MORN1: variants seen among roughly 807,000 people sequenced by gnomAD.
MORN1 encodes the protein MORN repeat containing 1.
MORN1 carries 67 observed loss-of-function variants against 61.9 expected under a neutral mutation model. That is an observed-to-expected ratio of 1.08 (90% confidence interval 0.89 to 1.33). The LOEUF is 1.33. Ranked by LOEUF, MORN1 falls within the 40% of genes most tolerant of loss-of-function variation. The probability of loss-of-function intolerance (pLI) is 0.00; values close to 1 mark genes in which losing one functional copy is unlikely to be tolerated. For synonymous variants in MORN1, 301 were observed against 292.0 expected, an observed-to-expected ratio of 1.03 and a Z score of -0.31; for missense variants, 752 against 691.2, an observed-to-expected ratio of 1.09 and a Z score of -0.99.
chr1:2,358,747 TCA>T (rs1569988722), intron 8 of MORN1, 32 bp from the exon 9 acceptor site: 7 of 1,592,128 alleles, frequency 4.4e-6, no homozygotes, highest in Non-Finnish European at 6.0e-6. Flanking sequence ...CAGTGAACAC[TCA>T]CAGGCACCCA....
chr1:2,388,203 GAA>G lies in MORN1; in HGVS notation c.247+34_247+35del, dbSNP rs148756962. 2.3e-3 allele frequency: 3,605 copies of G among 1,536,512 alleles called. 61 individuals are homozygous for G. In the African/African-American group the frequency reaches 0.043, roughly 18 times the overall value. On this transcript the variant is annotated intron_variant, in intron 3 of 13. Transcript: ENST00000378531. The stretch of plus-strand genomic sequence containing the variant: ...ACCAACTGAGCCCGATGGGTTATGA[GAA>G]AGGAGTGAATGTGCCATCCCAGCTA...
chr1:2,338,978 GA>G (rs1035082446), intron 10 of MORN1, among the ~76,000 whole-genome samples: 3 of 152,128 alleles, frequency 2.0e-5, no homozygotes, highest in Non-Finnish European at 2.9e-5. Flanking sequence ...GCAGGAAGAG[GA>G]CAGAGGACAC....
intron 10 of MORN1, among the ~76,000 whole-genome samples, chr1:2,341,091 C>T (rs1179656674): frequency 6.6e-6 from 1 of 152,274 alleles, no homozygotes; most frequent in Non-Finnish European, 1.5e-5. Context: ...GTCCCGGTCC[C>T]CACACCACCT....
intron 10 of MORN1, among the ~76,000 whole-genome samples, chr1:2,341,042 C>G (rs2843140): frequency 1.3e-5 from 2 of 152,196 alleles, no homozygotes; most frequent in African/African-American, 2.4e-5. Flanking sequence ...CTGGCCCTGG[C>G]ACTGCTACTC....
At chr1:2,335,827 A>T (rs962926338) in intron 12 of MORN1, among the ~76,000 whole-genome samples, 2 of 136,258 alleles carry the variant, frequency 1.5e-5, no homozygotes, top group Non-Finnish European at 2.9e-5. Flanking sequence ...CCTCGCCTCC[A>T]TAGCCCAGCC....
chr1:2,364,006 G>A (rs1641950755), intron 8 of MORN1, among the ~76,000 whole-genome samples: 1 of 152,082 alleles, frequency 6.6e-6, no homozygotes. Context: ...TCAGTTAAAA[G>A]GCAGAGATTG....
chr1:2,354,692 A>G (rs953887398), intron 10 of MORN1, among the ~76,000 whole-genome samples: 1 of 152,184 alleles, frequency 6.6e-6, no homozygotes, highest in East Asian at 1.9e-4. Flanking sequence ...GGTGGAGGCC[A>G]GCATGCGCAC....
At chr1:2,339,231 C>T (rs1569941329) in intron 10 of MORN1, among the ~76,000 whole-genome samples, 1 of 152,290 alleles carries the variant, frequency 6.6e-6, no homozygotes, top group East Asian at 1.9e-4. Flanking sequence ...CGCATCTGGA[C>T]CAGGAGCCCA....
At chr1:2,322,429 TC>T (rs1202810755) in intron 13 of MORN1, 4 of 984,920 alleles carry the variant, frequency 4.1e-6, no homozygotes, top group Middle Eastern at 1.0e-3. Flanking sequence ...AAAACAGCGC[TC>T]CCCTCGCAGA....
chr1:2,382,848 C>A (rs1447106897), intron 6 of MORN1, among the ~76,000 whole-genome samples: 2 of 152,200 alleles, frequency 1.3e-5, no homozygotes, highest in Non-Finnish European at 2.9e-5. Context: ...TGGTCAACTG[C>A]CCTGAGCAGG....
At chr1:2,351,529 AAG>A (rs1256035682) in intron 10 of MORN1, 2 of 182,412 alleles carry the variant, frequency 1.1e-5, no homozygotes, top group East Asian at 3.4e-4. Flanking sequence ...CTCCTCCGGT[AAG>A]AGTCTTTGCC....
intron 10 of MORN1, among the ~76,000 whole-genome samples, chr1:2,340,659 C>T (rs554148070): frequency 7.9e-5 from 12 of 152,324 alleles, no homozygotes; most frequent in Admixed American, 3.9e-4. Context: ...TGTCACTCAC[C>T]GGCTCCACGT....
chr1:2,387,530 C>T lies in MORN1; in HGVS notation c.248-1G>A, dbSNP rs1479293731. 2 of 1,608,168 alleles carry T rather than the reference C, an allele frequency of 1.2e-6. No homozygotes were observed. The highest frequency in any genetic ancestry group is 3.3e-5 in the Admixed American group (2 of 60,000). On this transcript the variant is annotated splice_acceptor_variant, in intron 3 of 13. Transcript: ENST00000378531. LOFTEE classifies it high-confidence loss of function. Reference sequence around the variant, plus strand: ...ACAAACTGTCCAGAGAAGGTGTCTCCTGCATGTGGACAAGGAGGAGGGGAG... The same window carrying T: ...ACAAACTGTCCAGAGAAGGTGTCTCTTGCATGTGGACAAGGAGGAGGGGAG...
At chr1:2,322,147 AG>A in intron 13 of MORN1, 1 of 985,422 alleles carries the variant, frequency 1.0e-6, no homozygotes, top group Non-Finnish European at 1.2e-6. Context: ...TCGGCAGAGA[AG>A]GAAAAGTACT....
chr1:2,350,126 G>A (rs962920080), intron 10 of MORN1, among the ~76,000 whole-genome samples: 2 of 152,232 alleles, frequency 1.3e-5, no homozygotes, highest in Non-Finnish European at 2.9e-5. Context: ...CAAGCTGTGG[G>A]TGGGAATTAC....
chr1:2,378,693 A>G, intron 6 of MORN1: 1 of 347,626 alleles, frequency 2.9e-6, no homozygotes. Flanking sequence ...TCTGATGTGC[A>G]CACACACGTG....
Position 2,336,496 on chromosome 1 carries a change from G to A in MORN1, c.1223C>T (p.Thr408Met), listed in dbSNP as rs144096006. The A allele has an allele frequency of 1.8e-4, 285 of 1,612,480 alleles. No individual in the cohort carries two copies. The highest frequency in any genetic ancestry group is 2.0e-4 in the Non-Finnish European group (235 of 1,179,808). Residue 408 changes from threonine to methionine, a missense_variant, in exon 12 of 14, where the codon ACG becomes ATG. Coordinates refer to ENST00000378531, the MANE Select transcript of MORN1 (RefSeq NM_024848.3). Reference sequence around the variant, plus strand: ...GCTGCCTCCAGGAGGCTCCTGTGCCGTGGGTGGTGTCCCCCTGGGGTGCAG... The same window carrying A: ...GCTGCCTCCAGGAGGCTCCTGTGCCATGGGTGGTGTCCCCCTGGGGTGCAG... ...GGLHPRGTPP[T>M]AQEPPGGSRP...
chr1:2,356,196 C>G (rs889355996), intron 10 of MORN1, among the ~76,000 whole-genome samples: 1 of 152,128 alleles, frequency 6.6e-6, no homozygotes, highest in African/African-American at 2.4e-5. Context: ...TGGGGAGAGG[C>G]CTTCAGGGGA....
chr1:2,387,295 C>A (rs1642526728), intron 4 of MORN1, 124 bp downstream of exon 4: 5 of 752,426 alleles, frequency 6.6e-6, no homozygotes, highest in Admixed American at 3.7e-5. Context: ...GGGCCCCCTA[C>A]CTCCTTTCCA....
Sources: gnomAD v4.1 joint callset for allele counts (sites outside exome capture counted in the v4.1 genomes callset) on GRCh38, gnomAD v4.1.1 for gene constraint, MANE v1.5 for transcripts, NCBI Gene and HGNC (gene_info 2026-07-23, HGNC 2026-07-21) for gene names.